Variants in SULF1 observed in about 807,000 individuals in gnomAD.
The protein encoded by SULF1 is extracellular sulfatase Sulf-1.
Under a neutral mutation model 110.5 loss-of-function variants are expected in SULF1, and 46 were observed. That is an observed-to-expected ratio of 0.42 (90% CI 0.33 to 0.53). The LOEUF (loss-of-function observed/expected upper bound fraction) is 0.53, where lower values mean the gene tolerates loss of function less well. Ranked by LOEUF, SULF1 falls within the 20% of genes least tolerant of loss-of-function variation. SULF1 has a pLI of 0.12. For missense variants in SULF1, 941 were observed against 1,094.2 expected, an observed-to-expected ratio of 0.86 and a Z score of 1.98; for synonymous variants, 371 against 387.1, an observed-to-expected ratio of 0.96 and a Z score of 0.49.
At chr8:69,506,853 G>A (rs1389325506) in intron 3 of SULF1, among the ~76,000 whole-genome samples, 1 of 152,196 alleles carries the variant, frequency 6.6e-6, no homozygotes, top group African/African-American at 2.4e-5. Flanking sequence ...GAAAAAGAAT[G>A]GGATGATGTC....
chr8:69,533,840 T>G (rs1286451741), intron 3 of SULF1, among the ~76,000 whole-genome samples: 1 of 152,154 alleles, frequency 6.6e-6, no homozygotes, highest in African/African-American at 2.4e-5. Context: ...TGTGGTTACT[T>G]TTTTACCTCC....
chr8:69,531,339 C>T (rs1007340242), intron 3 of SULF1, among the ~76,000 whole-genome samples: 1 of 152,070 alleles, frequency 6.6e-6, no homozygotes, highest in Non-Finnish European at 1.5e-5. Flanking sequence ...TAACAGTATC[C>T]CTTTTAAATT....
intron 1 of SULF1, among the ~76,000 whole-genome samples, chr8:69,468,439 T>C (rs1368331586): frequency 6.6e-6 from 1 of 152,230 alleles, no homozygotes; most frequent in Non-Finnish European, 1.5e-5. Flanking sequence ...ATTAAAACAA[T>C]ATTTTAATAT....
intron 19 of SULF1, among the ~76,000 whole-genome samples, chr8:69,632,178 C>T (rs1399067709): frequency 6.6e-6 from 1 of 152,202 alleles, no homozygotes; most frequent in Non-Finnish European, 1.5e-5. Flanking sequence ...TGCCATCACT[C>T]TGCTCTTGTA....
chr8:69,540,252 T>A (rs1258934701), intron 3 of SULF1, among the ~76,000 whole-genome samples: 3 of 152,216 alleles, frequency 2.0e-5, no homozygotes, highest in Admixed American at 2.0e-4. Flanking sequence ...AAGACACTAA[T>A]AAGACCCTAA....
intron 15 of SULF1, among the ~76,000 whole-genome samples, chr8:69,625,582 G>T (rs1437351823): frequency 6.6e-6 from 1 of 152,156 alleles, no homozygotes; most frequent in Non-Finnish European, 1.5e-5. Flanking sequence ...AGACCTTCGC[G>T]TGAGTGTTAC....
At chr8:69,573,358 A>G (rs979741963) in intron 5 of SULF1, among the ~76,000 whole-genome samples, 10 of 152,216 alleles carry the variant, frequency 6.6e-5, no homozygotes, top group Non-Finnish European at 1.5e-4. Flanking sequence ...GAATTGGGAT[A>G]AGTTTTAGCC....
chr8:69,577,393 G>A (rs1462665939), intron 6 of SULF1, among the ~76,000 whole-genome samples: 2 of 152,144 alleles, frequency 1.3e-5, no homozygotes, highest in South Asian at 2.1e-4. Context: ...CAAATATTGC[G>A]TGACCAGCTC....
intron 6 of SULF1, among the ~76,000 whole-genome samples, chr8:69,579,615 T>C (rs954450588): frequency 1.3e-5 from 2 of 150,652 alleles, no homozygotes; most frequent in African/African-American, 4.9e-5. Context: ...GAGATCTCTA[T>C]AATTTAATTT....
At position 69,658,592 on chromosome 8, in the gene SULF1, T is replaced by C. The variant is rs1257969319; in HGVS notation, c.*57T>C. The C allele has an allele frequency of 7.0e-7, 1 of 1,426,964 alleles. No individual in the cohort carries two copies. Among genetic ancestry groups the C allele is most frequent in the African/African-American group, 1.4e-5 (1 of 71,462 alleles). 88.4% of individuals were successfully genotyped at this position (1,426,964 alleles called of 1,614,324 possible). On this transcript the variant is annotated 3_prime_UTR_variant, in exon 23 of 23. Transcript: ENST00000402687. The stretch of plus-strand genomic sequence containing the variant: ...CAAGGCCTAGAGGAGCTACACAGTG[T>C]GAATGAAAACATCTATGAGTACAGA...
chr8:69,544,617 T>TA (rs530739866), intron 3 of SULF1, among the ~76,000 whole-genome samples: 85 of 152,336 alleles, frequency 5.6e-4, no homozygotes, highest in African/African-American at 1.9e-3. Context: ...CTTGTTTCTT[T>TA]AAAAAATCCT....
chr8:69,647,243 G>A (rs1240169694), intron 22 of SULF1, among the ~76,000 whole-genome samples: 1 of 152,012 alleles, frequency 6.6e-6, no homozygotes, highest in Non-Finnish European at 1.5e-5. Flanking sequence ...GCGCCTGGCT[G>A]AGCCCTGGAA....
intron 5 of SULF1, among the ~76,000 whole-genome samples, chr8:69,572,990 C>A (rs901265970): frequency 1.3e-5 from 2 of 152,110 alleles, no homozygotes; most frequent in Non-Finnish European, 2.9e-5. Context: ...ATCATGCTGG[C>A]TAAGTTTTGT....
intron 3 of SULF1, among the ~76,000 whole-genome samples, chr8:69,520,510 T>C (rs915104623): frequency 6.6e-6 from 1 of 152,214 alleles, no homozygotes; most frequent in Non-Finnish European, 1.5e-5. Flanking sequence ...AACAAAAAAC[T>C]GGTGCATATG....
chr8:69,587,523 C>T (rs1806558151), intron 7 of SULF1, among the ~76,000 whole-genome samples: 1 of 152,172 alleles, frequency 6.6e-6, no homozygotes, highest in South Asian at 2.1e-4. Flanking sequence ...GGCTTCCAAA[C>T]TCATGAAAGT....
intron 3 of SULF1, among the ~76,000 whole-genome samples, chr8:69,519,489 T>A (rs1812148925): frequency 6.6e-6 from 1 of 152,160 alleles, no homozygotes; most frequent in African/African-American, 2.4e-5. Context: ...AAGCTAGAGA[T>A]CAATGCTAGA....
At chr8:69,600,128 A>T (rs1807670564) in intron 8 of SULF1, among the ~76,000 whole-genome samples, 1 of 152,116 alleles carries the variant, frequency 6.6e-6, no homozygotes, top group Non-Finnish European at 1.5e-5. Context: ...TACTCTTCTC[A>T]AGTATTCAGG....
chr8:69,585,541 G>A lies in SULF1; in HGVS notation c.413-816G>A, dbSNP rs78560086. ...CCAAATTTCTAGTCACCCTCTCAGA[G>A]AGACCGAGTCAGCCCTGTGGCACAG... On this transcript the variant is annotated intron_variant, in intron 6 of 22. Coordinates refer to ENST00000402687, the MANE Select transcript of SULF1 (RefSeq NM_001128205.2). Among the ~76,000 whole-genome samples the A allele has an allele frequency of 7.7e-3, 1,170 of 152,170 alleles. 15 individuals carry two copies. The highest frequency in any genetic ancestry group is 0.026 in the African/African-American group (1,100 of 41,514).
intron 22 of SULF1, among the ~76,000 whole-genome samples, chr8:69,652,645 C>G (rs1220210491): frequency 6.6e-6 from 1 of 152,186 alleles, no homozygotes; most frequent in Non-Finnish European, 1.5e-5. Flanking sequence ...AAAGGTTTCT[C>G]TGTATATCGT....
Sources: allele counts gnomAD v4.1 joint callset (sites outside exome capture counted in the v4.1 genomes callset), GRCh38; gene constraint gnomAD v4.1.1; transcripts MANE v1.5; gene names NCBI Gene and HGNC (gene_info 2026-07-23, HGNC 2026-07-21).